Variants in GPR158 observed in about 807,000 individuals in gnomAD.
GPR158 encodes the protein metabotropic glycine receptor.
GPR158 carries 30 observed loss-of-function variants against 78.2 expected under a neutral mutation model. The ratio of observed to expected loss-of-function variants is 0.38; its 90% CI spans 0.29 to 0.52. The LOEUF (loss-of-function observed/expected upper bound fraction) is 0.52, where lower values mean the gene tolerates loss of function less well. Ranked by LOEUF, GPR158 falls within the 20% of genes least tolerant of loss-of-function variation. The probability of loss-of-function intolerance (pLI) is 0.83; values close to 1 mark genes in which losing one functional copy is unlikely to be tolerated. For missense variants in GPR158, 1,463 were observed against 1,523.5 expected (o/e 0.96, Z 0.66); for synonymous variants, 581 against 591.1 (o/e 0.98, Z 0.25).
intron 5 of GPR158, among the ~76,000 whole-genome samples, chr10:25,482,854 A>G (rs970316351): frequency 4.6e-5 from 7 of 152,070 alleles, no homozygotes; most frequent in African/African-American, 1.7e-4. Context: ...AAGTTCCCCA[A>G]TTCCAGCTTC....
At chr10:25,303,427 C>G (rs192441305) in intron 2 of GPR158, among the ~76,000 whole-genome samples, 15 of 152,114 alleles carry the variant, frequency 9.9e-5, no homozygotes, top group Non-Finnish European at 2.1e-4. Flanking sequence ...AGCATTTTTA[C>G]TGTAATTTAG....
chr10:25,546,913 G>A (rs958705193), intron 5 of GPR158, among the ~76,000 whole-genome samples: 8 of 152,148 alleles, frequency 5.3e-5, no homozygotes, highest in African/African-American at 7.2e-5. Flanking sequence ...TGCAAGGACC[G>A]CAGGGATCAG....
At chr10:25,420,487 TTTTTC>T (rs1834735285) in intron 4 of GPR158, among the ~76,000 whole-genome samples, 1 of 152,170 alleles carries the variant, frequency 6.6e-6, no homozygotes, top group African/African-American at 2.4e-5. Flanking sequence ...GTGTATCTAT[TTTTTC>T]TTTTGTCACT....
At chr10:25,208,558 T>TGG (rs1853079418) in intron 1 of GPR158, among the ~76,000 whole-genome samples, 1 of 135,156 alleles carries the variant, frequency 7.4e-6, no homozygotes, top group African/African-American at 2.7e-5. Flanking sequence ...CTATGTGAAT[T>TGG]TGTGTGTGTG....
At chr10:25,472,095 GGTCTAACATTTAA>G (rs1835514403) in intron 5 of GPR158, among the ~76,000 whole-genome samples, 1 of 152,052 alleles carries the variant, frequency 6.6e-6, no homozygotes, top group Non-Finnish European at 1.5e-5. Context: ...TATGGTTTTA[GGTCTAACATTTAA>G]GTCTTTAATC....
chr10:25,291,238 A>C (rs1854432023), intron 2 of GPR158, among the ~76,000 whole-genome samples: 1 of 152,068 alleles, frequency 6.6e-6, no homozygotes, highest in African/African-American at 2.4e-5. Context: ...AGGGAAGGGC[A>C]GGATAAAATA....
intron 4 of GPR158, among the ~76,000 whole-genome samples, chr10:25,450,114 A>G (rs982713751): frequency 2.0e-5 from 3 of 152,168 alleles, no homozygotes; most frequent in Non-Finnish European, 4.4e-5. Flanking sequence ...TGAAAAGTCA[A>G]TGAAACTTAG....
chr10:25,207,222 A>C (rs1853053994), intron 1 of GPR158, among the ~76,000 whole-genome samples: 1 of 152,172 alleles, frequency 6.6e-6, no homozygotes, highest in East Asian at 1.9e-4. Flanking sequence ...TGGCATATCC[A>C]GCAAGACCAT....
intron 2 of GPR158, among the ~76,000 whole-genome samples, chr10:25,256,045 A>C (rs958379733): frequency 2.2e-4 from 33 of 152,132 alleles, no homozygotes; most frequent in African/African-American, 7.5e-4. Context: ...TGAAGTGTTG[A>C]GTTACAGGTG....
chr10:25,295,538 C>G (rs920872347), intron 2 of GPR158, among the ~76,000 whole-genome samples: 2 of 151,914 alleles, frequency 1.3e-5, no homozygotes, highest in Admixed American at 6.6e-5. Context: ...CTCAGCCTCC[C>G]GAGTAGCTGG....
chr10:25,462,709 A>G (rs534528441), intron 4 of GPR158, among the ~76,000 whole-genome samples: 22 of 152,328 alleles, frequency 1.4e-4, no homozygotes, highest in African/African-American at 5.3e-4. Flanking sequence ...CTAACTGCAG[A>G]TATGGTGAAA....
At chr10:25,345,623 C>T (rs1217257504) in intron 2 of GPR158, among the ~76,000 whole-genome samples, 1 of 151,962 alleles carries the variant, frequency 6.6e-6, no homozygotes, top group Non-Finnish European at 1.5e-5. Context: ...ACTGTTGATG[C>T]TATAAATCAA....
intron 4 of GPR158, among the ~76,000 whole-genome samples, chr10:25,455,019 A>G (rs902847366): frequency 6.6e-6 from 1 of 152,238 alleles, no homozygotes; most frequent in Non-Finnish European, 1.5e-5. Flanking sequence ...TGAATATTTC[A>G]TAAAACCCAC....
chr10:25,503,568 G>C (rs1588889873), intron 5 of GPR158, among the ~76,000 whole-genome samples: 1 of 152,118 alleles, frequency 6.6e-6, no homozygotes, highest in Non-Finnish European at 1.5e-5. Flanking sequence ...AATCTCTACT[G>C]TGTCAGTATT....
rs552491159 is a variant in GPR158 at position 25,199,570 on chromosome 10, A to G, written c.903-21482A>G. Among the ~76,000 whole-genome samples, 15 of 152,002 alleles carry G rather than the reference A, an allele frequency of 9.9e-5. No individual in the cohort carries two copies. In the South Asian group the frequency reaches 2.5e-3, roughly 25 times the overall value. ...TGTAATCTCCAGCGTCCAGGGAGGG[A>G]CCTAGTGGGAGATGATTGGATCATG... On this transcript the variant is annotated intron_variant, in intron 1 of 10. Transcript: ENST00000376351.
At chr10:25,357,133 G>A (rs1243670519) in intron 2 of GPR158, among the ~76,000 whole-genome samples, 1 of 152,144 alleles carries the variant, frequency 6.6e-6, no homozygotes, top group East Asian at 1.9e-4. Flanking sequence ...TTGAACCTGA[G>A]AGAGATGATT....
Position 25,594,285 on chromosome 10 carries a change from AT to A in GPR158, c.1893-4del. On this transcript the variant is annotated splice_polypyrimidine_tract_variant and splice_region_variant and intron_variant, in intron 8 of 10. Transcript: ENST00000376351. ...TGGATTGTTAACTCAATGAATTCTC[AT>A]TTCAGATTTGTTCTTGCCTCAAGAC... 1 of 1,389,754 alleles carries A rather than the reference AT, an allele frequency of 7.2e-7. No homozygotes were observed. The highest frequency in any genetic ancestry group is 1.0e-6 in the Non-Finnish European group (1 of 976,734). The allele number at this position is 1,389,754 out of a possible 1,614,324, so 86.1% of individuals were successfully genotyped here.
rs1199305617 is a variant in GPR158, at chr10:25,482,670, G to A, written c.1404+15951G>A. Among the ~76,000 whole-genome samples the A allele has an allele frequency of 5.3e-5, 8 of 151,842 alleles. No individual in the cohort carries two copies. The South Asian group carries it at 8.3e-4, about 16-fold the overall frequency. On this transcript the variant is annotated intron_variant, in intron 5 of 10. Transcript: ENST00000376351. ...ATTCTCATAGCTTAATATACTCTGC[G>A]TGCCAACACCACCCAAATTTATATC...
intron 4 of GPR158, among the ~76,000 whole-genome samples, chr10:25,443,518 G>A (rs1310376736): frequency 1.4e-5 from 2 of 146,414 alleles, no homozygotes; most frequent in African/African-American, 5.1e-5. Context: ...TCGGACCACT[G>A]CACTCCAGCC....
Sources: gnomAD v4.1 joint callset for allele counts (sites outside exome capture counted in the v4.1 genomes callset) on GRCh38, gnomAD v4.1.1 for gene constraint, MANE v1.5 for transcripts, NCBI Gene and HGNC (gene_info 2026-07-23, HGNC 2026-07-21) for gene names.